The following MYH8 variants were observed in gnomAD, a reference collection of about 807,000 sequenced individuals.
MYH8 encodes the protein myosin-8.
A neutral mutation model predicts 233.2 loss-of-function variants in MYH8; 168 were observed. The observed-to-expected ratio is 0.72, with a 90% CI of 0.64 to 0.82. The LOEUF (loss-of-function observed/expected upper bound fraction) is 0.82. MYH8 is among the 40% of genes least tolerant of loss of function. The probability of loss-of-function intolerance (pLI) is 0.00; values close to 1 mark genes in which losing one functional copy is unlikely to be tolerated. For synonymous variants in MYH8, 785 were observed against 850.6 expected, an observed-to-expected ratio of 0.92 and a Z score of 1.34; for missense variants, 1,995 against 2,327.8, an observed-to-expected ratio of 0.86 and a Z score of 2.94.
At chr17:10,398,730 A>G in intron 29 of MYH8, 38 bp downstream of exon 29, 2 of 1,613,848 alleles carry the variant, frequency 1.2e-6, no homozygotes, top group Non-Finnish European at 1.7e-6. Flanking sequence ...GGGCAGGTTT[A>G]GATTTGGTTA....
Position 10,409,319 on chromosome 17 carries a change from A to T in MYH8, c.1857T>A (p.Thr619=). 6 of 1,614,250 alleles carry T rather than the reference A, an allele frequency of 3.7e-6. No individual in the cohort carries two copies. Among genetic ancestry groups the T allele is most frequent in the Non-Finnish European group, 5.1e-6 (6 of 1,180,036 alleles). Residue 619 remains threonine, a synonymous_variant, in exon 16 of 40, where the codon ACT becomes ACA. Coordinates refer to ENST00000403437, the MANE Select transcript of MYH8 (RefSeq NM_002472.3). The stretch of plus-strand genomic sequence containing the variant: ...CATACGTGGAAAAGAGACTGGCTAG[A>T]GTCTTCATTGCAGACTTCTGGTACA... The part of the protein sequence containing the change: ...VGLYQKSAMK[T]LASLFSTYAS...
chr17:10,406,630 CT>C lies in MYH8; in HGVS notation c.2171+59del, dbSNP rs528107101. On this transcript the variant is annotated intron_variant, in intron 19 of 39. Coordinates refer to ENST00000403437, the MANE Select transcript of MYH8 (RefSeq NM_002472.3). ...ACCACAAGACTATATTATTCGACTT[CT>C]TAATTTTTTAATACATACTAATTCA... The C allele has an allele frequency of 2.4e-4, 359 of 1,503,614 alleles. 4 individuals are homozygous for C. In the African/African-American group the frequency reaches 3.9e-3, roughly 16 times the overall value. 93.1% of individuals were successfully genotyped at this position (1,503,614 alleles called of 1,614,324 possible).
At chr17:10,404,731 A>C in intron 21 of MYH8, 146 bp from the exon 22 acceptor site, 1 of 828,680 alleles carries the variant, frequency 1.2e-6, no homozygotes, top group Admixed American at 2.4e-5. Context: ...GGCTTTACAC[A>C]CACACACACA....
Position 10,394,256 on chromosome 17 carries a change from T to C in MYH8, c.5159A>G (p.His1720Arg). Residue 1720 changes from histidine (H) to arginine (R), a missense_variant, in exon 35 of 40, where the codon CAC (histidine) becomes CGC (arginine). Coordinates refer to ENST00000403437, the MANE Select transcript of MYH8 (RefSeq NM_002472.3). ...LDASERVQLLHTQNTSLINTK... is the reference protein window; with the variant it reads ...LDASERVQLLRTQNTSLINTK... ...TTGATGTGAGGGTCTCACCTGGGTG[T>C]GGAGGAGCTGGACACGCTCACTGGC... 6.2e-7 allele frequency: 1 copy of C among 1,613,890 alleles called. No homozygotes were observed. The highest frequency in any genetic ancestry group is 8.5e-7 in the Non-Finnish European group (1 of 1,179,872).
intron 4 of MYH8, 42 bp downstream of exon 4, chr17:10,418,845 C>G: frequency 1.2e-6 from 2 of 1,613,908 alleles, no homozygotes; most frequent in Non-Finnish European, 1.7e-6. Context: ...CGTTTTTACT[C>G]AGAGAGAGAC....
rs1399133804 is a variant in MYH8 at position 10,391,995 on chromosome 17, A to T, written c.5569-18T>A. ...TCTTCAGTCTGAAAGTTTGAAAAAA[A>T]TAATCTGCATTCATTCCGAAGAGAT... is the stretch of plus-strand genomic sequence containing the variant. On this transcript the variant is annotated intron_variant, in intron 38 of 39. Coordinates refer to ENST00000403437, the MANE Select transcript of MYH8 (RefSeq NM_002472.3). The T allele has an allele frequency of 1.9e-6, 3 of 1,599,698 alleles. No individual in the cohort carries two copies. The highest frequency in any genetic ancestry group is 2.6e-6 in the Non-Finnish European group (3 of 1,166,984).
At chr17:10,397,341 G>A (rs748199079) in intron 30 of MYH8, among the ~76,000 whole-genome samples, 9 of 152,050 alleles carry the variant, frequency 5.9e-5, no homozygotes, top group Non-Finnish European at 8.8e-5. Flanking sequence ...TGATCCACCC[G>A]CCTTGGCCTC....
rs777836357 is a variant in MYH8, at chr17:10,404,457, G to A, written c.2561C>T (p.Thr854Ile). 7.4e-6 allele frequency: 12 copies of A among 1,613,634 alleles called. No homozygotes were observed. In the Admixed American group the frequency reaches 2.0e-4, roughly 27 times the overall value. ...GGTTTTCTGGAATTCTTCCTTCATGGTGGCCATCTCTTTCTCGGTCTCTGC... is the reference window on the plus strand; with the variant it reads ...GGTTTTCTGGAATTCTTCCTTCATGATGGCCATCTCTTTCTCGGTCTCTGC... The part of the protein sequence containing the change: ...KSAETEKEMA[T>I]MKEEFQKTKD... The change falls in exon 22 of 40, where the codon ACC becomes ATC. Residue 854 changes from threonine (T) to isoleucine (I), a missense_variant. By Grantham distance (89) the Thr-to-Ile change is moderately conservative. Transcript: ENST00000403437.
At chr17:10,406,007 A>G (rs980355872) in intron 21 of MYH8, 34 bp downstream of exon 21, 9 of 1,610,244 alleles carry the variant, frequency 5.6e-6, no homozygotes, top group African/African-American at 1.3e-5. Context: ...TCCTTAAGGG[A>G]CCTTATAATT....
rs563565637 is a variant in MYH8 at position 10,394,907 on chromosome 17, T to C, written c.4962+226A>G. Among the ~76,000 whole-genome samples the C allele has an allele frequency of 5.9e-5, 9 of 152,342 alleles. No homozygotes were observed. In the East Asian group the frequency reaches 1.7e-3, roughly 29 times the overall value. On this transcript the variant is annotated intron_variant, in intron 34 of 39. Transcript: ENST00000403437. ...CAGGCCTGTCTGGTGCCCAAGTCTG[T>C]TCACTTTCTTTCATATCATACTGTA...
chr17:10,396,701 C>T lies in MYH8; in HGVS notation c.4380G>A (p.Lys1460=), dbSNP rs1597397733. The T allele has an allele frequency of 6.2e-7, 1 of 1,614,220 alleles. No individual in the cohort carries two copies. Among genetic ancestry groups the T allele is most frequent in the East Asian group, 2.2e-5 (1 of 44,886 alleles). ...CAGCCTGAGTTTCCTCATACTTCTG[C>T]TTCCATTCTGATAGGACCTGAAAAG... The part of the protein sequence containing the change: ...RNFDKVLSEW[K]QKYEETQAEL... Residue 1460 remains lysine (K), a synonymous_variant, in exon 32 of 40, where the codon AAG becomes AAA. Transcript: ENST00000403437. This position sits in a 1 kb window ranked among gnomAD's most constrained non-coding sequence, Gnocchi z 4.2.
At position 10,419,815 on chromosome 17, in the gene MYH8, T is replaced by C. The variant is rs2072320270; in HGVS notation, c.210+203A>G. 6.6e-6 allele frequency among the ~76,000 whole-genome samples: 1 copy of C among 152,096 alleles called. No individual in the cohort carries two copies. The highest frequency in any genetic ancestry group is 1.5e-5 in the Non-Finnish European group (1 of 68,010). On this transcript the variant is annotated intron_variant, in intron 3 of 39. Coordinates refer to ENST00000403437, the MANE Select transcript of MYH8 (RefSeq NM_002472.3). The surrounding 1 kb of genome is among the most constrained non-coding windows in gnomAD (Gnocchi z 4.0). ...GGGAAATGGTGAAGGCCATACATAG[T>C]GGGGTGAGGTCCTGTGCGAAGTTGG...
rs957536307 is a variant in MYH8, at chr17:10,406,763, C to A, written c.2098G>T (p.Gly700Cys). Residue 700 changes from glycine (G) to cysteine (C), a missense_variant, in exon 19 of 40, where the codon GGT becomes TGT. Gly to Cys is a radical substitution (Grantham distance 159, BLOSUM62 -3). This residue lies in a region of MYH8 where 1,498 missense variants were observed against 1,680.9 expected (regional missense o/e 0.89). Transcript: ENST00000403437. ...CAGATGCGGATGCCTTCCAGCACAC[C>A]ATTACACCTCAGCTGGTGCAACACA... ...ELVLHQLRCN[G>C]VLEGIRICRK... The A allele has an allele frequency of 6.2e-7, 1 of 1,613,970 alleles. No homozygotes were observed. The highest frequency in any genetic ancestry group is 8.5e-7 in the Non-Finnish European group (1 of 1,180,018).
Position 10,401,167 on chromosome 17 carries a change from T to C in MYH8, c.3133A>G (p.Lys1045Glu). The C allele has an allele frequency of 6.2e-7, 1 of 1,613,712 alleles. No homozygotes were observed. Among genetic ancestry groups the C allele is most frequent in the Non-Finnish European group, 8.5e-7 (1 of 1,179,966 alleles). Reference sequence around the variant, plus strand: ...CTTTCTAGATCCATTCGAAGCTTCTTTTCTTGTTCCAGAGACCCTTCAAGC... The same window carrying C: ...CTTTCTAGATCCATTCGAAGCTTCTCTTCTTGTTCCAGAGACCCTTCAAGC... ...DDLEGSLEQE[K>E]KLRMDLERAK... Residue 1045 changes from lysine to glutamate, a missense_variant, in exon 25 of 40, where the codon AAG (lysine) becomes GAG (glutamate). Around this residue, in one of 3 missense-constraint regions of MYH8, gnomAD observed 1,498 missense variants for 1,680.9 expected, o/e 0.89. Coordinates refer to ENST00000403437, the MANE Select transcript of MYH8 (RefSeq NM_002472.3).
chr17:10,414,694 T>G (rs777934131), intron 9 of MYH8, among the ~76,000 whole-genome samples: 1 of 152,168 alleles, frequency 6.6e-6, no homozygotes, highest in Non-Finnish European at 1.5e-5. Context: ...ATTTTTCACA[T>G]GAAGGATCCA....
At position 10,395,949 on chromosome 17, in the gene MYH8, A is replaced by G. The variant is rs374906549; in HGVS notation, c.4653+381T>C. Among the ~76,000 whole-genome samples the G allele has an allele frequency of 2.0e-5, 3 of 152,070 alleles. No homozygotes were observed. The East Asian group carries it at 5.8e-4, about 29-fold the overall frequency. On this transcript the variant is annotated intron_variant, in intron 33 of 39. Transcript: ENST00000403437. ...CTAGTCTTTTTTCCTACTTCTATAT[A>G]TTTTTACATAATCAAAATTATATTG... is the stretch of plus-strand genomic sequence containing the variant.
In MYH8 at chr17:10,398,992, G is replaced by GTGTATATATATATATATATATACAAGT. The variant is rs2072107139; in HGVS notation, c.3863-107_3863-106insACTTGTATATATATATATATATATACA. On this transcript the variant is annotated intron_variant, in intron 28 of 39. Coordinates refer to ENST00000403437, the MANE Select transcript of MYH8 (RefSeq NM_002472.3). ...TATATATATATGTATATATGTGTGT[G>GTGTATATATATATATATATATACAAGT]TGTATATATATATATATATATATAT... 3 of 439,862 alleles carry GTGTATATATATATATATATATACAAGT rather than the reference G, an allele frequency of 6.8e-6. No homozygotes were observed. In the African/African-American group the frequency reaches 9.9e-5, roughly 14 times the overall value. 27.2% of individuals were successfully genotyped at this position (439,862 alleles called of 1,614,324 possible). A position where few individuals can be genotyped will look rare whatever the true frequency, so the allele number is the denominator to read the frequency against.
At position 10,409,349 on chromosome 17, in the gene MYH8, A is replaced by C. The variant is rs1306021639; in HGVS notation, c.1827T>G (p.Val609=). The C allele has an allele frequency of 1.2e-6, 2 of 1,614,102 alleles. No individual in the cohort carries two copies. The highest frequency in any genetic ancestry group is 1.7e-6 in the Non-Finnish European group (2 of 1,180,034). The change falls in exon 16 of 40, where the codon GTT becomes GTG. Residue 609 remains valine, a synonymous_variant. Coordinates refer to ENST00000403437, the MANE Select transcript of MYH8 (RefSeq NM_002472.3). ...TCATTGCAGACTTCTGGTACAGCCC[A>C]ACCACAGTATCATTCAGGGGGTCCT... is the stretch of plus-strand genomic sequence containing the variant. ...KNKDPLNDTV[V]GLYQKSAMKT... is the part of the protein sequence containing the mutation.
chr17:10,397,118 C>G (rs1393534691), intron 30 of MYH8, 132 bp from the exon 31 acceptor site: 7 of 1,135,914 alleles, frequency 6.2e-6, no homozygotes, highest in Non-Finnish European at 8.8e-6. Flanking sequence ...GAGTCTCGCT[C>G]TGTCGCCCAT....
Sources: gnomAD v4.1 joint callset for allele counts (sites outside exome capture counted in the v4.1 genomes callset) on GRCh38, gnomAD v4.1.1 for gene constraint, gnomAD v4.1.1 regional missense constraint, Gnocchi (gnomAD v3.1) non-coding constraint, MANE v1.5 for transcripts, NCBI Gene and HGNC (gene_info 2026-07-23, HGNC 2026-07-21) for gene names.